ERC2: variants seen among roughly 807,000 people sequenced by gnomAD.
ERC2 encodes ELKS/RAB6-interacting/CAST family member 2.
In ERC2, 42 loss-of-function variants were observed where a neutral mutation model predicts 114.8. The observed-to-expected ratio is 0.37, with a 90% CI of 0.29 to 0.47. The LOEUF (loss-of-function observed/expected upper bound fraction) is 0.47. Ranked by LOEUF, ERC2 falls within the 20% of genes least tolerant of loss-of-function variation. The pLI is 0.99. For missense variants in ERC2, 939 were observed against 1,150.7 expected (o/e 0.82, Z 2.66); for synonymous variants, 454 against 425.5 (o/e 1.07, Z -0.82).
intron 3 of ERC2, among the ~76,000 whole-genome samples, chr3:56,268,359 G>A (rs908657951): frequency 2.6e-5 from 4 of 152,054 alleles, no homozygotes; most frequent in East Asian, 1.9e-4. Context: ...TGCCTAAAAC[G>A]CATTTCTTAG....
At chr3:55,842,094 C>T (rs2061159771) in intron 14 of ERC2, among the ~76,000 whole-genome samples, 1 of 151,976 alleles carries the variant, frequency 6.6e-6, no homozygotes, top group Non-Finnish European at 1.5e-5. Flanking sequence ...GCAAAATGTC[C>T]TCACATTAAA....
intron 13 of ERC2, among the ~76,000 whole-genome samples, chr3:55,947,877 A>G (rs1208205195): frequency 6.6e-6 from 1 of 152,216 alleles, no homozygotes; most frequent in Admixed American, 6.5e-5. Context: ...ACCAGACATC[A>G]TTATTTTTCC....
At chr3:56,113,021 G>A (rs746420305) in intron 6 of ERC2, among the ~76,000 whole-genome samples, 1 of 152,186 alleles carries the variant, frequency 6.6e-6, no homozygotes, top group Non-Finnish European at 1.5e-5. Context: ...CTCTCACAGT[G>A]TAAAACCCTG....
intron 4 of ERC2, among the ~76,000 whole-genome samples, chr3:56,171,226 T>G (rs1289425827): frequency 2.0e-5 from 3 of 152,178 alleles, no homozygotes; most frequent in Admixed American, 6.5e-5. Flanking sequence ...GCTTCCAATA[T>G]TCCCACCAAT....
At chr3:56,458,683 G>A (rs1225408029) in intron 1 of ERC2, among the ~76,000 whole-genome samples, 1 of 152,032 alleles carries the variant, frequency 6.6e-6, no homozygotes, top group Non-Finnish European at 1.5e-5. Flanking sequence ...CCAACCTCCT[G>A]CTTCCTGTCA....
chr3:56,036,265 A>G (rs2074794149), intron 7 of ERC2, among the ~76,000 whole-genome samples: 1 of 152,210 alleles, frequency 6.6e-6, no homozygotes, highest in African/African-American at 2.4e-5. Flanking sequence ...CAATGGAGAG[A>G]AGCTGAAAAC....
intron 7 of ERC2, among the ~76,000 whole-genome samples, chr3:56,043,621 A>C (rs2075313127): frequency 6.6e-6 from 1 of 152,196 alleles, no homozygotes; most frequent in African/African-American, 2.4e-5. Context: ...CAAATGACTG[A>C]TTCTGAGAAA....
intron 14 of ERC2, among the ~76,000 whole-genome samples, chr3:55,756,507 C>A (rs1193903384): frequency 6.6e-6 from 1 of 152,192 alleles, no homozygotes; most frequent in African/African-American, 2.4e-5. Flanking sequence ...CTGTGGATCA[C>A]TGTTTTTCCG....
chr3:55,905,694 C>A (rs977959986), intron 13 of ERC2, among the ~76,000 whole-genome samples: 1 of 152,178 alleles, frequency 6.6e-6, no homozygotes, highest in East Asian at 1.9e-4. Flanking sequence ...CTGCAGCTGA[C>A]AAGGGCCCTG....
intron 7 of ERC2, among the ~76,000 whole-genome samples, chr3:56,073,147 T>C (rs560649984): frequency 6.6e-6 from 1 of 152,206 alleles, no homozygotes; most frequent in African/African-American, 2.4e-5. Flanking sequence ...CAGGTAAAAA[T>C]GTTATGCATT....
intron 17 of ERC2, among the ~76,000 whole-genome samples, chr3:55,573,815 G>A (rs1265452575): frequency 2.0e-5 from 3 of 152,124 alleles, no homozygotes. Context: ...CTGGAGTGAT[G>A]AAGAGCCGTG....
Position 55,752,462 on chromosome 3 carries a change from A to C in ERC2, c.2565-17544T>G, listed in dbSNP as rs533382712. 3.9e-5 allele frequency among the ~76,000 whole-genome samples: 6 copies of C among 152,312 alleles called. No individual in the cohort carries two copies. The South Asian group carries it at 1.2e-3, about 32-fold the overall frequency. ...TTTGTTTTTTCTATTGACCTGGTTT[A>C]CCAGCGCTCTATTGGCCTGTTTCAA... On this transcript the variant is annotated intron_variant, in intron 14 of 17. Coordinates refer to ENST00000288221, the MANE Select transcript of ERC2 (RefSeq NM_015576.3).
intron 13 of ERC2, among the ~76,000 whole-genome samples, chr3:55,928,582 T>C (rs2065887351): frequency 6.6e-6 from 1 of 152,202 alleles, no homozygotes; most frequent in Non-Finnish European, 1.5e-5. Flanking sequence ...TTGTTGATTG[T>C]TTCCCTTGTG....
intron 13 of ERC2, among the ~76,000 whole-genome samples, chr3:55,898,709 T>C (rs1426551923): frequency 6.6e-6 from 1 of 152,090 alleles, no homozygotes; most frequent in Non-Finnish European, 1.5e-5. Flanking sequence ...AGACAAAGGG[T>C]TGGATTTCCA....
At chr3:56,370,392 C>T (rs1291491877) in intron 2 of ERC2, among the ~76,000 whole-genome samples, 1 of 152,084 alleles carries the variant, frequency 6.6e-6, no homozygotes, top group African/African-American at 2.4e-5. Context: ...TGTGTCATTG[C>T]TAATACTGCC....
chr3:55,574,968 G>A (rs1477542135), intron 17 of ERC2, among the ~76,000 whole-genome samples: 1 of 152,124 alleles, frequency 6.6e-6, no homozygotes, highest in African/African-American at 2.4e-5. Flanking sequence ...AGACTTCTGG[G>A]TCCCCTGGCT....
At chr3:56,360,275 C>T (rs2058903205) in intron 2 of ERC2, among the ~76,000 whole-genome samples, 1 of 151,834 alleles carries the variant, frequency 6.6e-6, no homozygotes, top group Non-Finnish European at 1.5e-5. Context: ...ACCTTGTGAT[C>T]CGCCTGCCTC....
Position 56,434,625 on chromosome 3 carries a change from G to T in ERC2, c.383C>A (p.Ser128Tyr). The T allele has an allele frequency of 1.2e-6, 2 of 1,613,964 alleles. No homozygotes were observed. Among genetic ancestry groups the T allele is most frequent in the Non-Finnish European group, 1.7e-6 (2 of 1,179,886 alleles). The change falls in exon 2 of 18, where the codon TCC (serine) becomes TAC (tyrosine). Residue 128 changes from serine (S) to tyrosine (Y), a missense_variant. This residue lies in a region of ERC2 where 281 missense variants were observed against 307.4 expected (regional missense o/e 0.91). Transcript: ENST00000288221. Reference protein sequence around the residue: ...TDQHGGLTGSSHHHHHQVPSM... With the variant: ...TDQHGGLTGSYHHHHHQVPSM... ...GGGGACCTGGTGGTGGTGATGATGGGATGAGCCAGTCAGCCCACCATGTTG... is the reference window on the plus strand; with the variant it reads ...GGGGACCTGGTGGTGGTGATGATGGTATGAGCCAGTCAGCCCACCATGTTG...
intron 12 of ERC2, among the ~76,000 whole-genome samples, chr3:55,958,342 C>T (rs1184445862): frequency 6.6e-6 from 1 of 152,166 alleles, no homozygotes; most frequent in African/African-American, 2.4e-5. Flanking sequence ...TTTTCATGGG[C>T]TCAGAAGGGA....
Sources: gnomAD v4.1 joint callset for allele counts (sites outside exome capture counted in the v4.1 genomes callset) on GRCh38, gnomAD v4.1.1 for gene constraint, gnomAD v4.1.1 regional missense constraint, MANE v1.5 for transcripts, NCBI Gene and HGNC (gene_info 2026-07-23, HGNC 2026-07-21) for gene names.